Variants in CTTNBP2NL observed in about 807,000 individuals in gnomAD.
CTTNBP2NL encodes the protein CTTNBP2 N-terminal-like protein.
In CTTNBP2NL, 16 loss-of-function variants were observed where a neutral mutation model predicts 32.5. That is an observed-to-expected ratio of 0.49 (90% CI 0.33 to 0.75). The LOEUF is 0.75. CTTNBP2NL is among the 30% of genes least tolerant of loss of function. The pLI is 0.02. For missense variants in CTTNBP2NL, 645 were observed against 756.0 expected (o/e 0.85, Z 1.72); for synonymous variants, 298 against 289.4 (o/e 1.03, Z -0.30).
chr1:112,440,916 T>G (rs1313294693), intron 3 of CTTNBP2NL, among the ~76,000 whole-genome samples: 2 of 102,372 alleles, frequency 2.0e-5, no homozygotes, highest in African/African-American at 5.7e-5. Context: ...CTGTTGTTTT[T>G]GCTGTCATTG....
At chr1:112,427,093 A>T (rs1649427632) in intron 3 of CTTNBP2NL, among the ~76,000 whole-genome samples, 1 of 152,208 alleles carries the variant, frequency 6.6e-6, no homozygotes, top group African/African-American at 2.4e-5. Flanking sequence ...GTGAATTTTT[A>T]TACCTGATAG....
chr1:112,433,054 T>C (rs1194397289), intron 3 of CTTNBP2NL, among the ~76,000 whole-genome samples: 1 of 152,166 alleles, frequency 6.6e-6, no homozygotes, highest in Non-Finnish European at 1.5e-5. Flanking sequence ...CCTTTGTGTT[T>C]TTTTCTTCCA....
intron 1 of CTTNBP2NL, among the ~76,000 whole-genome samples, chr1:112,404,348 A>G (rs1462193690): frequency 6.6e-6 from 1 of 152,128 alleles, no homozygotes; most frequent in African/African-American, 2.4e-5. Flanking sequence ...CTGCTAGAGG[A>G]TTATTTGAAG....
chr1:112,417,893 A>G (rs1649112516), intron 3 of CTTNBP2NL, among the ~76,000 whole-genome samples: 1 of 112,468 alleles, frequency 8.9e-6, no homozygotes, highest in African/African-American at 2.5e-5. Context: ...TTACTGCATT[A>G]TTTGTATCGT....
chr1:112,420,247 G>C (rs1649186954), intron 3 of CTTNBP2NL, among the ~76,000 whole-genome samples: 1 of 149,512 alleles, frequency 6.7e-6, no homozygotes, highest in Non-Finnish European at 1.5e-5. Flanking sequence ...CTGAGTTCAA[G>C]TGATTCTCCT....
intron 3 of CTTNBP2NL, among the ~76,000 whole-genome samples, chr1:112,425,575 T>C (rs1376116414): frequency 6.6e-6 from 1 of 152,002 alleles, no homozygotes; most frequent in South Asian, 2.1e-4. Flanking sequence ...AAAATAAATT[T>C]CATGGGGGCC....
chr1:112,405,810 G>A (rs573731957), intron 1 of CTTNBP2NL, among the ~76,000 whole-genome samples: 2 of 152,226 alleles, frequency 1.3e-5, no homozygotes, highest in South Asian at 2.1e-4. Context: ...TAGCAGAGTT[G>A]CATGAGTCTT....
At chr1:112,394,430 T>C (rs940735239), upstream of CTTNBP2NL, among the ~76,000 whole-genome samples, 3 of 152,186 alleles carry the variant, frequency 2.0e-5, no homozygotes, top group African/African-American at 4.8e-5. Context: ...CCTAACACTC[T>C]GTATTTGTAA....
chr1:112,454,590 G>C, intron 5 of CTTNBP2NL, 34 bp downstream of exon 5: 1 of 1,408,970 alleles, frequency 7.1e-7, no homozygotes, highest in Non-Finnish European at 1.0e-6. Flanking sequence ...AGTAGCATTT[G>C]CCTGGAACAG....
rs1299800704 is a variant in CTTNBP2NL, at chr1:112,458,339, T to C, written c.*927T>C. 1 of 152,552 alleles carries C rather than the reference T, an allele frequency of 6.6e-6. No homozygotes were observed. Among genetic ancestry groups the C allele is most frequent in the Non-Finnish European group, 1.5e-5 (1 of 68,024 alleles). 9.4% of individuals were successfully genotyped at this position (152,552 alleles called of 1,614,324 possible). A position where few individuals can be genotyped will look rare whatever the true frequency, so the allele number is the denominator to read the frequency against. ...TAATATTATAGGTCAGTCAGAATTA[T>C]ACAAGTTTTACCAAATTGTTACACT... On this transcript the variant is annotated 3_prime_UTR_variant, in exon 6 of 6. Coordinates refer to ENST00000271277, the MANE Select transcript of CTTNBP2NL (RefSeq NM_018704.3).
chr1:112,422,479 A>G (rs1464311338), intron 3 of CTTNBP2NL, among the ~76,000 whole-genome samples: 11 of 152,236 alleles, frequency 7.2e-5, no homozygotes, highest in Non-Finnish European at 1.6e-4. Context: ...GTGTGGATAT[A>G]TGCTTTTATT....
intron 1 of CTTNBP2NL, among the ~76,000 whole-genome samples, chr1:112,408,037 G>A (rs34989396): frequency 0.12 from 17,896 of 151,112 alleles, 1,387 homozygotes; most frequent in Middle Eastern, 0.25. Flanking sequence ...TGTAGGGACA[G>A]GATTTTGCCA....
chr1:112,445,592 T>G (rs1391760591), intron 3 of CTTNBP2NL, among the ~76,000 whole-genome samples: 3 of 152,222 alleles, frequency 2.0e-5, no homozygotes, highest in Admixed American at 1.3e-4. Context: ...ACAAGGAGTC[T>G]TCTTGAGGTT....
chr1:112,442,575 C>A (rs1466704099), intron 3 of CTTNBP2NL, among the ~76,000 whole-genome samples: 1 of 151,030 alleles, frequency 6.6e-6, no homozygotes, highest in Non-Finnish European at 1.5e-5. Flanking sequence ...CTACACTGAA[C>A]AAGTAAGAAC....
At chr1:112,408,336 C>A (rs534066887) in intron 1 of CTTNBP2NL, among the ~76,000 whole-genome samples, 41 of 150,926 alleles carry the variant, frequency 2.7e-4, no homozygotes, top group Non-Finnish European at 5.0e-4. Context: ...TGCCACTGCA[C>A]CCAGCCAGAA....
chr1:112,420,613 G>A (rs1421291421), intron 3 of CTTNBP2NL, among the ~76,000 whole-genome samples: 2 of 151,994 alleles, frequency 1.3e-5, no homozygotes, highest in Non-Finnish European at 2.9e-5. Flanking sequence ...GGACTACAGG[G>A]GCATGCCACT....
chr1:112,404,833 C>G (rs1451179731), intron 1 of CTTNBP2NL, among the ~76,000 whole-genome samples: 2 of 152,186 alleles, frequency 1.3e-5, no homozygotes, highest in Non-Finnish European at 2.9e-5. Flanking sequence ...GGGCGGGTCA[C>G]TTGAGGTCAG....
chr1:112,442,823 T>C (rs904687199), intron 3 of CTTNBP2NL, among the ~76,000 whole-genome samples: 1 of 152,144 alleles, frequency 6.6e-6, no homozygotes, highest in Non-Finnish European at 1.5e-5. Flanking sequence ...CCCAAGTAGC[T>C]GGGATTACAG....
At chr1:112,392,886 C>T (rs142899714), upstream of CTTNBP2NL, among the ~76,000 whole-genome samples, 2,317 of 152,008 alleles carry the variant, frequency 0.015, 61 homozygotes, top group African/African-American at 0.052. Context: ...GACAGAGTTT[C>T]GCTCTTTGTT....
Sources: allele counts gnomAD v4.1 joint callset (sites outside exome capture counted in the v4.1 genomes callset), GRCh38; gene constraint gnomAD v4.1.1; transcripts MANE v1.5; gene names NCBI Gene and HGNC (gene_info 2026-07-23, HGNC 2026-07-21).